DLGAP1: variants seen among roughly 807,000 people sequenced by gnomAD.
The protein encoded by DLGAP1 is disks large-associated protein 1.
Under a neutral mutation model 90.8 loss-of-function variants are expected in DLGAP1, and 11 were observed. That is an observed-to-expected ratio of 0.12 (90% CI 0.08 to 0.20). The LOEUF (loss-of-function observed/expected upper bound fraction) is 0.20, where lower values mean the gene tolerates loss of function less well. Among genes scored for constraint, DLGAP1 ranks in the 10% least tolerant of loss-of-function variants. The pLI is 1.00. For synonymous variants in DLGAP1, 558 were observed against 540.7 expected (o/e 1.03, Z -0.44); for missense variants, 1,050 against 1,333.8 (o/e 0.79, Z 3.31).
At chr18:4,053,924 T>A (rs1366477342) in intron 2 of DLGAP1, among the ~76,000 whole-genome samples, 1 of 152,246 alleles carries the variant, frequency 6.6e-6, no homozygotes, top group Admixed American at 6.5e-5. Context: ...AGATAAACCT[T>A]AACAGTTATT....
intron 1 of DLGAP1, among the ~76,000 whole-genome samples, chr18:4,239,172 G>A (rs2078478730): frequency 6.6e-6 from 1 of 152,132 alleles, no homozygotes; most frequent in African/African-American, 2.4e-5. Flanking sequence ...CCAAGGAGAA[G>A]TTACCAAAAT....
In DLGAP1 at chr18:3,977,437, T is replaced by G. The variant is rs915443728; in HGVS notation, c.-73+27679A>C. ...TAATGAATTATGTTTATTCTGTGTT[T>G]TTTTTTTTTTTTTTTTTGCTGAGTA... On this transcript the variant is annotated intron_variant, in intron 3 of 12. Coordinates refer to ENST00000315677, the MANE Select transcript of DLGAP1 (RefSeq NM_004746.4). 2.3e-3 allele frequency among the ~76,000 whole-genome samples: 265 copies of G among 113,630 alleles called. 3 individuals carry two copies. In the South Asian group the frequency reaches 0.031, roughly 13 times the overall value. The allele number at this position is 113,630 out of a possible 152,430, so 74.5% of individuals were successfully genotyped here.
At chr18:4,186,938 T>C (rs1188393839) in intron 1 of DLGAP1, among the ~76,000 whole-genome samples, 1 of 152,174 alleles carries the variant, frequency 6.6e-6, no homozygotes, top group East Asian at 1.9e-4. Context: ...TCTGATTTCT[T>C]TCACCAGTGT....
In DLGAP1 at chr18:3,789,047, C is replaced by G. The variant is rs149741724; in HGVS notation, c.1172+25012G>C. 9.9e-3 allele frequency among the ~76,000 whole-genome samples: 1,508 copies of G among 152,298 alleles called. 20 individuals are homozygous for G. Among genetic ancestry groups the G allele is most frequent in the Non-Finnish European group, 0.015 (1,037 of 68,028 alleles). On this transcript the variant is annotated intron_variant, in intron 5 of 12. Transcript: ENST00000315677. The stretch of plus-strand genomic sequence containing the variant: ...CAATTAATTTAGCACGTACTCTGTG[C>G]CAGCACCTACAGTGCTAGTATATCA...
At position 3,727,432 on chromosome 18, in the gene DLGAP1, C is replaced by T. The variant is rs2062224727; in HGVS notation, c.1591+1703G>A. Among the ~76,000 whole-genome samples the T allele has an allele frequency of 6.6e-6, 1 of 152,170 alleles. No homozygotes were observed. Among genetic ancestry groups the T allele is most frequent in the Non-Finnish European group, 1.5e-5 (1 of 68,036 alleles). On this transcript the variant is annotated intron_variant, in intron 7 of 12. Transcript: ENST00000315677. This position sits in a 1 kb window ranked among gnomAD's most constrained non-coding sequence, Gnocchi z 4.7. ...GTTTCCTGAGGCGGAAGGAGTGAGC[C>T]ACCAGCCCTTTCCTTCCCGACTGTT... is the stretch of plus-strand genomic sequence containing the variant.
intron 1 of DLGAP1, among the ~76,000 whole-genome samples, chr18:4,198,394 G>A (rs904051278): frequency 6.6e-6 from 1 of 152,074 alleles, no homozygotes; most frequent in Admixed American, 6.6e-5. Flanking sequence ...AATGAGCTCT[G>A]TCCCCAAAGG....
At chr18:3,664,183 TACACACACACAC>T (rs35653599) in intron 7 of DLGAP1, among the ~76,000 whole-genome samples, 297 of 135,736 alleles carry the variant, frequency 2.2e-3, no homozygotes, top group African/African-American at 7.8e-3. Flanking sequence ...TGGGTCAGTA[TACACACACACAC>T]ACACACACAC....
intron 4 of DLGAP1, among the ~76,000 whole-genome samples, chr18:3,823,262 G>A (rs1487440696): frequency 6.6e-6 from 1 of 152,152 alleles, no homozygotes; most frequent in Non-Finnish European, 1.5e-5. Flanking sequence ...AGCTTACTCA[G>A]TCAGCAAGCA....
chr18:3,616,310 G>A (rs140850566), intron 7 of DLGAP1, among the ~76,000 whole-genome samples: 22 of 152,200 alleles, frequency 1.4e-4, no homozygotes, highest in African/African-American at 5.1e-4. Flanking sequence ...TTCGCTGTCT[G>A]ACCTGACTAC....
At chr18:4,090,498 C>T (rs534473695) in intron 2 of DLGAP1, among the ~76,000 whole-genome samples, 1 of 152,278 alleles carries the variant, frequency 6.6e-6, no homozygotes, top group South Asian at 2.1e-4. Context: ...AAAAGAAGCT[C>T]AACATCCCTG....
chr18:4,412,592 T>C (rs927968890), intron 1 of DLGAP1, among the ~76,000 whole-genome samples: 2 of 152,048 alleles, frequency 1.3e-5, no homozygotes, highest in Admixed American at 6.6e-5. Flanking sequence ...TGGAGAAACA[T>C]AAAGTTTAAT....
chr18:4,113,444 AT>A (rs1236527654), intron 2 of DLGAP1, among the ~76,000 whole-genome samples: 1 of 151,864 alleles, frequency 6.6e-6, no homozygotes, highest in African/African-American at 2.4e-5. Flanking sequence ...TGACATGAAC[AT>A]TTTTAATGGG....
chr18:3,631,507 G>C (rs1238394527), intron 7 of DLGAP1, among the ~76,000 whole-genome samples: 1 of 152,020 alleles, frequency 6.6e-6, no homozygotes, highest in Non-Finnish European at 1.5e-5. Flanking sequence ...TTGCACTTTG[G>C]GAAGCTGAGG....
chr18:3,532,818 A>G (rs533570060), intron 10 of DLGAP1, among the ~76,000 whole-genome samples: 1 of 152,348 alleles, frequency 6.6e-6, no homozygotes, highest in East Asian at 1.9e-4. Flanking sequence ...ACATTAAAAT[A>G]CATACTGATT....
intron 5 of DLGAP1, among the ~76,000 whole-genome samples, chr18:3,745,354 A>G (rs1456769772): frequency 1.3e-5 from 2 of 152,256 alleles, no homozygotes; most frequent in African/African-American, 2.4e-5. Context: ...TATGTGTATT[A>G]TATTTCCACA....
At chr18:3,944,221 G>C (rs2072830570) in intron 3 of DLGAP1, among the ~76,000 whole-genome samples, 1 of 152,204 alleles carries the variant, frequency 6.6e-6, no homozygotes, top group Non-Finnish European at 1.5e-5. Flanking sequence ...GCAAGGGCTG[G>C]ATGCGCTGGC....
intron 4 of DLGAP1, chr18:3,874,108 C>T (rs776310929): frequency 1.3e-5 from 20 of 1,548,650 alleles, no homozygotes; most frequent in Non-Finnish European, 1.7e-5. Flanking sequence ...CAAATCAACA[C>T]CACACTATTA....
intron 5 of DLGAP1, among the ~76,000 whole-genome samples, chr18:3,797,325 GA>G (rs746881430): frequency 2.5e-3 from 328 of 132,830 alleles, no homozygotes; most frequent in African/African-American, 4.0e-3. Flanking sequence ...ACTGTCTCAG[GA>G]AAAAAAAAAA....
intron 3 of DLGAP1, among the ~76,000 whole-genome samples, chr18:3,971,570 G>T (rs1314055595): frequency 1.3e-5 from 2 of 152,086 alleles, no homozygotes; most frequent in Non-Finnish European, 2.9e-5. Flanking sequence ...GTAATTGACT[G>T]GTATGATGCA....
Sources: allele counts gnomAD v4.1 joint callset (sites outside exome capture counted in the v4.1 genomes callset), GRCh38; gene constraint gnomAD v4.1.1; non-coding constraint Gnocchi (gnomAD v3.1); transcripts MANE v1.5; gene names NCBI Gene and HGNC (gene_info 2026-07-23, HGNC 2026-07-21).